The following KLC3 variants were observed in gnomAD, a reference collection of about 807,000 sequenced individuals.
The protein encoded by KLC3 is kinesin light chain 3.
Under a neutral mutation model 62.9 loss-of-function variants are expected in KLC3, and 72 were observed. The observed-to-expected ratio is 1.15, with a 90% CI of 0.95 to 1.39. KLC3 has a LOEUF of 1.39. Ranked by LOEUF, KLC3 falls within the 40% of genes most tolerant of loss-of-function variation. KLC3 has a pLI of 0.00. For missense variants in KLC3, 848 were observed against 691.6 expected (o/e 1.23, Z -2.54); for synonymous variants, 377 against 300.5 (o/e 1.25, Z -2.63).
chr19:45,349,923 A>G (rs188721060), intron 8 of KLC3: 22 of 423,624 alleles, frequency 5.2e-5, no homozygotes, highest in African/African-American at 2.4e-4. Context: ...TAGCGTCCCT[A>G]TGAGGTGGGA....
chr19:45,346,973 T>G, intron 3 of KLC3, 199 bp downstream of exon 3: 9 of 472,276 alleles, frequency 1.9e-5, no homozygotes, highest in East Asian at 7.1e-5. Context: ...ACGCCCCCAC[T>G]AGCTACTCCA....
intron 1 of KLC3, chr19:45,345,325 A>C (rs1298147956): frequency 3.0e-6 from 2 of 656,674 alleles, no homozygotes; most frequent in South Asian, 3.8e-5. Context: ...GGTAGACAAG[A>C]CTGTTCCAGA....
intron 3 of KLC3, 34 bp downstream of exon 3, chr19:45,346,808 GC>G: frequency 3.4e-6 from 5 of 1,470,360 alleles, no homozygotes; most frequent in Non-Finnish European, 4.5e-6. Flanking sequence ...GGGGTGCTGG[GC>G]CCTTCATAGA....
chr19:45,345,429 T>C, intron 1 of KLC3, 105 bp from the exon 2 acceptor site: 1 of 1,452,264 alleles, frequency 6.9e-7, no homozygotes, highest in Non-Finnish European at 9.4e-7. Context: ...AGAGCCAGGA[T>C]GGGGAGAAGT....
At chr19:45,341,390 T>C (rs1330184586) in intron 1 of KLC3, among the ~76,000 whole-genome samples, 1 of 152,138 alleles carries the variant, frequency 6.6e-6, no homozygotes, top group African/African-American at 2.4e-5. Context: ...GGTAGCACTT[T>C]ACGACCAAGA....
In KLC3 at chr19:45,351,389, T is replaced by C; in HGVS notation, c.*32T>C. The C allele has an allele frequency of 2.5e-6, 4 of 1,606,608 alleles. No individual in the cohort carries two copies. The highest frequency in any genetic ancestry group is 3.4e-6 in the Non-Finnish European group (4 of 1,179,844). On this transcript the variant is annotated 3_prime_UTR_variant, in exon 13 of 13. Coordinates refer to ENST00000391946, the MANE Select transcript of KLC3 (RefSeq NM_177417.3). Reference sequence around the variant, plus strand: ...GTGAACTGCGCTGGCCGCAGCTTCTTGGGAACAGTGCAGGAGGGATGGGCT... The same window carrying C: ...GTGAACTGCGCTGGCCGCAGCTTCTCGGGAACAGTGCAGGAGGGATGGGCT...
Position 45,348,078 on chromosome 19 carries a change from G to A in KLC3, c.697G>A (p.Ala233Thr). 2 of 1,603,006 alleles carry A rather than the reference G, an allele frequency of 1.2e-6. No homozygotes were observed. The highest frequency in any genetic ancestry group is 2.2e-5 in the South Asian group (2 of 89,326). Residue 233 changes from alanine (A) to threonine (T), a missense_variant, in exon 5 of 13, where the codon GCC becomes ACC. By Grantham distance (58) the Ala-to-Thr change is moderately conservative (BLOSUM62 0). Coordinates refer to ENST00000391946, the MANE Select transcript of KLC3 (RefSeq NM_177417.3). ...GGTGGCGGTGCCTCTGTGCCGCCAG[G>A]CCTTGGAGGACCTGGAGCGCAGCTC... Reference protein sequence around the residue: ...YEVAVPLCRQALEDLERSSGH... With the variant: ...YEVAVPLCRQTLEDLERSSGH...
chr19:45,350,895 C>G (rs993345471), intron 11 of KLC3, 59 bp from the exon 12 acceptor site: 2 of 1,584,126 alleles, frequency 1.3e-6, no homozygotes, highest in Non-Finnish European at 1.7e-6. Context: ...GGAAAGGTCC[C>G]TCGTGGAGGG....
chr19:45,341,335 G>C (rs532825620), intron 1 of KLC3, among the ~76,000 whole-genome samples: 2 of 152,208 alleles, frequency 1.3e-5, no homozygotes, highest in Non-Finnish European at 2.9e-5. Flanking sequence ...GTGAAAACGT[G>C]GGCGACCTCT....
At chr19:45,343,166 G>T (rs73572587) in intron 1 of KLC3, among the ~76,000 whole-genome samples, 2,249 of 152,170 alleles carry the variant, frequency 0.015, 52 homozygotes, top group African/African-American at 0.051. Context: ...GCATCTGGAG[G>T]TGCGTTGGGC....
Position 45,348,693 on chromosome 19 carries a change from T to C in KLC3, c.827T>C (p.Leu276Pro). 5 of 1,597,112 alleles carry C rather than the reference T, an allele frequency of 3.1e-6. No individual in the cohort carries two copies. Among genetic ancestry groups the C allele is most frequent in the Non-Finnish European group, 4.3e-6 (5 of 1,172,172 alleles). ...GCCACAGACCTTCTCCATGATGCCCTGCAGATCCGGGAGCAGACGCTGGGC... is the reference window on the plus strand; with the variant it reads ...GCCACAGACCTTCTCCATGATGCCCCGCAGATCCGGGAGCAGACGCTGGGC... ...KEATDLLHDA[L>P]QIREQTLGPE... The change falls in exon 6 of 13, where the codon CTG becomes CCG. Residue 276 changes from leucine to proline, a missense_variant. Coordinates refer to ENST00000391946, the MANE Select transcript of KLC3 (RefSeq NM_177417.3).
rs1971760383 is a variant in KLC3, at chr19:45,351,302, T to G, written c.1460T>G (p.Leu487Arg). 6.2e-7 allele frequency: 1 copy of G among 1,612,648 alleles called. No individual in the cohort carries two copies. Among genetic ancestry groups the G allele is most frequent in the Non-Finnish European group, 8.5e-7 (1 of 1,179,966 alleles). ...APGTQFPSWH[L>R]DKAPRTLSAS... ...TGTCTCCAGTTTCCCAGCTGGCACC[T>G]GGACAAGGCCCCTCGGACCCTCAGC... The change falls in exon 13 of 13, where the codon CTG becomes CGG. Residue 487 changes from leucine (L) to arginine (R), a missense_variant. Physicochemically the swap from Leu to Arg is moderately radical, Grantham distance 102. Coordinates refer to ENST00000391946, the MANE Select transcript of KLC3 (RefSeq NM_177417.3).
At chr19:45,344,190 TG>T (rs1477136953) in intron 1 of KLC3, among the ~76,000 whole-genome samples, 1 of 149,144 alleles carries the variant, frequency 6.7e-6, no homozygotes, top group Non-Finnish European at 1.5e-5. Flanking sequence ...ACTGTATTTC[TG>T]GGAGGGTGTG....
Position 45,347,438 on chromosome 19 carries a change from T to C in KLC3, c.490-9T>C. On this transcript the variant is annotated splice_polypyrimidine_tract_variant and intron_variant, in intron 3 of 12. Transcript: ENST00000391946. ...ACCACCCCGGCCCCCCACTTTCCTG[T>C]CTCTGCAGCAGTCTGAGTCCCCGCC... is the stretch of plus-strand genomic sequence containing the variant. 2 of 1,606,226 alleles carry C rather than the reference T, an allele frequency of 1.2e-6. No individual in the cohort carries two copies. Among genetic ancestry groups the C allele is most frequent in the South Asian group, 2.2e-5 (2 of 90,336 alleles).
chr19:45,350,756 T>C lies in KLC3; in HGVS notation c.1379+9T>C. On this transcript the variant is annotated intron_variant, in intron 11 of 12. Coordinates refer to ENST00000391946, the MANE Select transcript of KLC3 (RefSeq NM_177417.3). Reference sequence around the variant, plus strand: ...GCGGCAGGAGCAGCCGGGTGAGTGTTGATCAGGTCGGCAAAGAGCCCTGAC... The same window carrying C: ...GCGGCAGGAGCAGCCGGGTGAGTGTCGATCAGGTCGGCAAAGAGCCCTGAC... 6.2e-7 allele frequency: 1 copy of C among 1,605,136 alleles called. No individual in the cohort carries two copies. Among genetic ancestry groups the C allele is most frequent in the Non-Finnish European group, 8.5e-7 (1 of 1,176,142 alleles).
Position 45,345,479 on chromosome 19 carries a change from GC to G in KLC3, c.-8-53del, listed in dbSNP as rs1167691540. On this transcript the variant is annotated intron_variant, in intron 1 of 12. Coordinates refer to ENST00000391946, the MANE Select transcript of KLC3 (RefSeq NM_177417.3). ...GCCATTATGGGAATAGAGGCTGGGG[GC>G]CAACTGACTGGCCCGGGCAATGATT... is the stretch of plus-strand genomic sequence containing the variant. The G allele has an allele frequency of 2.6e-6, 4 of 1,549,770 alleles. No individual in the cohort carries two copies. In the South Asian group the frequency reaches 4.8e-5, roughly 18 times the overall value.
At chr19:45,341,084 T>C (rs1218661717) in intron 1 of KLC3, among the ~76,000 whole-genome samples, 1 of 151,418 alleles carries the variant, frequency 6.6e-6, no homozygotes, top group East Asian at 2.0e-4. Flanking sequence ...AGGGGGCCCT[T>C]GTGACTGCGG....
intron 8 of KLC3, chr19:45,350,056 A>G: frequency 2.1e-6 from 1 of 475,726 alleles, no homozygotes; most frequent in Non-Finnish European, 3.8e-6. Flanking sequence ...GCAGGAAGTA[A>G]GGCCGAGCTC....
At chr19:45,345,486 G>A in intron 1 of KLC3, 48 bp from the exon 2 acceptor site, 1 of 1,550,242 alleles carries the variant, frequency 6.5e-7, no homozygotes. Flanking sequence ...GGGGCCAACT[G>A]ACTGGCCCGG....
Sources: allele counts gnomAD v4.1 joint callset (sites outside exome capture counted in the v4.1 genomes callset), GRCh38; gene constraint gnomAD v4.1.1; transcripts MANE v1.5; gene names NCBI Gene and HGNC (gene_info 2026-07-23, HGNC 2026-07-21).